Variants in HIF1A observed in about 807,000 individuals in gnomAD.
HIF1A encodes the protein hypoxia inducible factor 1 subunit alpha, also known as hypoxia-inducible factor 1-alpha.
Under a neutral mutation model 92.7 loss-of-function variants are expected in HIF1A, and 24 were observed. The observed-to-expected ratio is 0.26, with a 90% CI of 0.19 to 0.36. The LOEUF (loss-of-function observed/expected upper bound fraction) is 0.36, where lower values mean the gene tolerates loss of function less well. Ranked by LOEUF, HIF1A falls within the 10% of genes least tolerant of loss-of-function variation. The pLI is 1.00. For synonymous variants in HIF1A, 319 were observed against 338.7 expected, an observed-to-expected ratio of 0.94 and a Z score of 0.64; for missense variants, 799 against 998.5, an observed-to-expected ratio of 0.80 and a Z score of 2.69.
chr14:61,701,644 A>G (rs1296347779), intron 1 of HIF1A, among the ~76,000 whole-genome samples: 6 of 152,092 alleles, frequency 3.9e-5, no homozygotes, highest in Non-Finnish European at 5.9e-5. Flanking sequence ...CCCCCTTTCC[A>G]TTATAAAACT....
At chr14:61,695,881 C>CCCCGCCCGCCTG in intron 1 of HIF1A, 42 bp downstream of exon 1, 4 of 1,541,622 alleles carry the variant, frequency 2.6e-6, no homozygotes, top group Non-Finnish European at 3.5e-6. Flanking sequence ...CCCCCGGCGA[C>CCCCGCCCGCCTG]CCCGCCCGCC....
intron 6 of HIF1A, among the ~76,000 whole-genome samples, chr14:61,730,470 C>T (rs73331665): frequency 0.02 from 3,007 of 152,220 alleles, 41 homozygotes; most frequent in African/African-American, 0.029. Context: ...ACTTCTTCAG[C>T]ATCATCTCAT....
intron 10 of HIF1A, 76 bp from the exon 11 acceptor site, chr14:61,740,429 T>C: frequency 4.6e-6 from 5 of 1,086,440 alleles, no homozygotes; most frequent in Non-Finnish European, 6.6e-6. Flanking sequence ...TTCTGAGATC[T>C]AGTTTGAAAA....
intron 12 of HIF1A, among the ~76,000 whole-genome samples, chr14:61,741,999 C>T (rs962083412): frequency 6.6e-6 from 1 of 152,014 alleles, no homozygotes; most frequent in Non-Finnish European, 1.5e-5. Context: ...TTATAGTTAA[C>T]TTGTATTAAA....
chr14:61,725,094 A>T (rs190334829), intron 4 of HIF1A, among the ~76,000 whole-genome samples: 2 of 152,084 alleles, frequency 1.3e-5, no homozygotes, highest in Admixed American at 6.5e-5. Context: ...CTTCTAACCC[A>T]TCTCTACTTA....
chr14:61,729,486 A>AAAC (rs1566571569), intron 6 of HIF1A, among the ~76,000 whole-genome samples: 1 of 147,840 alleles, frequency 6.8e-6, no homozygotes. Flanking sequence ...AAACAAAAAA[A>AAAC]AGACCTCAGA....
intron 1 of HIF1A, among the ~76,000 whole-genome samples, chr14:61,708,234 T>G (rs570960648): frequency 1.3e-5 from 2 of 152,206 alleles, no homozygotes; most frequent in African/African-American, 4.8e-5. Context: ...TTGCAAAAAT[T>G]TTCTCCCATT....
chr14:61,699,473 T>C (rs1339622731), intron 1 of HIF1A, among the ~76,000 whole-genome samples: 1 of 139,064 alleles, frequency 7.2e-6, no homozygotes, highest in Non-Finnish European at 1.6e-5. Flanking sequence ...TTTTTTTTTT[T>C]CTGAAGAACT....
chr14:61,699,086 T>C (rs1268695725), intron 1 of HIF1A: 1 of 152,222 alleles, frequency 6.6e-6, no homozygotes, highest in Admixed American at 6.5e-5. Flanking sequence ...GCTTATGAGT[T>C]TCTCCAGAGT....
At chr14:61,726,507 G>A (rs1346563891) in intron 4 of HIF1A, 199 bp from the exon 5 acceptor site, 3 of 377,622 alleles carry the variant, frequency 7.9e-6, no homozygotes, top group Non-Finnish European at 1.4e-5. Flanking sequence ...CCAACTCAGG[G>A]AATCACAGCT....
intron 12 of HIF1A, among the ~76,000 whole-genome samples, chr14:61,743,860 G>A (rs1184376340): frequency 6.6e-6 from 1 of 152,176 alleles, no homozygotes; most frequent in Admixed American, 6.5e-5. Flanking sequence ...GGGGAGGGGA[G>A]GTAGGGATCT....
Position 61,720,398 on chromosome 14 carries a change from C to T in HIF1A, c.52C>T (p.Arg18Ter). ...GTTAAGTAGGATAAGTTCTGAACGT[C>T]GAAAAGAAAAGTCTCGAGATGCAGC... ...NDKKKISSER[R>*]KEKSRDAARS... Residue 18 changes from arginine to a stop codon, truncating the protein, a stop_gained, in exon 2 of 15, where the codon CGA becomes TGA. Transcript: ENST00000337138. LOFTEE classifies it high-confidence loss of function. 1 of 1,610,396 alleles carries T rather than the reference C, an allele frequency of 6.2e-7. No individual in the cohort carries two copies.
chr14:61,724,296 T>G (rs1249189972), intron 4 of HIF1A, among the ~76,000 whole-genome samples: 1 of 149,306 alleles, frequency 6.7e-6, no homozygotes, highest in African/African-American at 2.4e-5. Flanking sequence ...CATGTGGATC[T>G]TTACTGCCAC....
chr14:61,714,762 G>C (rs1034920545), intron 1 of HIF1A, among the ~76,000 whole-genome samples: 1 of 152,226 alleles, frequency 6.6e-6, no homozygotes, highest in Non-Finnish European at 1.5e-5. Context: ...GCCAGGCGCA[G>C]TGGCTCAACG....
chr14:61,723,693 C>T (rs2044461787), intron 4 of HIF1A, among the ~76,000 whole-genome samples: 2 of 152,196 alleles, frequency 1.3e-5, no homozygotes, highest in South Asian at 2.1e-4. Flanking sequence ...ATATTGACTG[C>T]TCAGTGCTTC....
intron 6 of HIF1A, among the ~76,000 whole-genome samples, chr14:61,728,159 CT>C (rs1034843781): frequency 1.3e-5 from 2 of 152,304 alleles, no homozygotes; most frequent in Admixed American, 1.3e-4. Flanking sequence ...ACTATGAACA[CT>C]TACTTTACTA....
chr14:61,728,019 C>A (rs373132084), intron 6 of HIF1A, among the ~76,000 whole-genome samples: 40 of 143,402 alleles, frequency 2.8e-4, no homozygotes, highest in Middle Eastern at 3.5e-3. Flanking sequence ...ACTCCCATTT[C>A]AAAAAAAAAA....
At position 61,724,349 on chromosome 14, in the gene HIF1A, T is replaced by TTCTCTCTCTCTCTCTCTCTCTCTCTCTC. The variant is rs147642291; in HGVS notation, c.458-2352_458-2325dup. Among the ~76,000 whole-genome samples the TTCTCTCTCTCTCTCTCTCTCTCTCTCTC allele has an allele frequency of 6.5e-4, 62 of 96,118 alleles. 1 individual carries two copies. The highest frequency in any genetic ancestry group is 1.5e-3 in the African/African-American group (45 of 29,154). The allele number at this position is 96,118 out of a possible 152,430, so 63.1% of individuals were successfully genotyped here. A position where few individuals can be genotyped will look rare whatever the true frequency, so the allele number is the denominator to read the frequency against. On this transcript the variant is annotated intron_variant, in intron 4 of 14. Transcript: ENST00000337138. Reference sequence around the variant, plus strand: ...CCTACACACACACGACACACACACATTCTCTCTCTCTCTCTCTCTCTCTCT... The same window carrying TTCTCTCTCTCTCTCTCTCTCTCTCTCTC: ...CCTACACACACACGACACACACACATTCTCTCTCTCTCTCTCTCTCTCTCTCTCTCTCTCTCTCTCTCTCTCTCTCTCT...
intron 1 of HIF1A, among the ~76,000 whole-genome samples, chr14:61,708,006 G>A (rs2044261319): frequency 6.6e-6 from 1 of 151,494 alleles, no homozygotes; most frequent in Non-Finnish European, 1.5e-5. Flanking sequence ...ATTCTAACTG[G>A]TGTGAGATGG....
Sources: allele counts gnomAD v4.1 joint callset (sites outside exome capture counted in the v4.1 genomes callset), GRCh38; gene constraint gnomAD v4.1.1; transcripts MANE v1.5; gene names NCBI Gene and HGNC (gene_info 2026-07-23, HGNC 2026-07-21).